The following GPRC5B variants were observed in gnomAD, a reference collection of about 807,000 sequenced individuals.
GPRC5B encodes G protein-coupled receptor family C group 5 member B.
Under a neutral mutation model 30.1 loss-of-function variants are expected in GPRC5B, and 16 were observed. That is an observed-to-expected ratio of 0.53 (90% CI 0.36 to 0.81). The LOEUF (loss-of-function observed/expected upper bound fraction) is 0.81. Ranked by LOEUF, GPRC5B falls within the 30% of genes least tolerant of loss-of-function variation. GPRC5B has a pLI of 0.01. For missense variants in GPRC5B, 428 were observed against 544.7 expected (o/e 0.79, Z 2.13); for synonymous variants, 241 against 239.5 (o/e 1.01, Z -0.06).
intron 2 of GPRC5B, among the ~76,000 whole-genome samples, chr16:19,866,574 GT>G (rs757593447): frequency 6.6e-6 from 1 of 151,780 alleles, no homozygotes; most frequent in Non-Finnish European, 1.5e-5. Context: ...AGACAGGGGT[GT>G]CGCCACGTTG....
rs201858603 is a variant in GPRC5B, at chr16:19,873,875, GT to G, written c.-1-1030del. ...CTCACTACAGCCTCTGATTCCCCAG[GT>G]TCAAACGATTCTCCTGCCTCAGCCT... On this transcript the variant is annotated intron_variant, in intron 1 of 3. Transcript: ENST00000300571. 5.6e-3 allele frequency among the ~76,000 whole-genome samples: 854 copies of G among 152,196 alleles called. 10 individuals carry two copies. The highest frequency in any genetic ancestry group is 0.019 in the African/African-American group (797 of 41,532).
At chr16:19,885,538 G>T, upstream of GPRC5B, 7 of 1,104,444 alleles carry the variant, frequency 6.3e-6, no homozygotes, top group South Asian at 2.1e-5. This position sits in a 1 kb window ranked among gnomAD's most constrained non-coding sequence, Gnocchi z 5.3. Context: ...ACGTCCAGTC[G>T]GTGCACCCCT....
intron 1 of GPRC5B, among the ~76,000 whole-genome samples, chr16:19,874,378 C>T (rs927439800): frequency 1.3e-5 from 2 of 152,208 alleles, no homozygotes; most frequent in African/African-American, 4.8e-5. Context: ...GGTCACACCC[C>T]AGTCCTCTCC....
intron 1 of GPRC5B, among the ~76,000 whole-genome samples, chr16:19,881,277 G>A (rs940771770): frequency 1.3e-5 from 2 of 152,300 alleles, no homozygotes; most frequent in African/African-American, 2.4e-5. Context: ...TGAGAAGTAC[G>A]TGAAAAATAG....
rs2056574319 is a variant in GPRC5B at position 19,857,333 on chromosome 16, A to T, written c.*3167T>A. The T allele has an allele frequency of 2.6e-6, 1 of 385,664 alleles. No individual in the cohort carries two copies. Among genetic ancestry groups the T allele is most frequent in the Non-Finnish European group, 4.9e-6 (1 of 204,652 alleles). The allele number at this position is 385,664 out of a possible 1,614,324, so 23.9% of individuals were successfully genotyped here. On this transcript the variant is annotated 3_prime_UTR_variant, in exon 4 of 4. Transcript: ENST00000300571. ...AAGCCTTTATTTTTGTGTTAAGAAC[A>T]GCATTTTGAAAATAAAACCTATCTG...
chr16:19,876,380 G>A (rs1436800720), intron 1 of GPRC5B, among the ~76,000 whole-genome samples: 2 of 152,216 alleles, frequency 1.3e-5, no homozygotes, highest in Non-Finnish European at 2.9e-5. Flanking sequence ...CAGGTCAACT[G>A]TGCCAAGGTG....
chr16:19,872,348 C>T lies in GPRC5B; in HGVS notation c.498G>A (p.Ala166=), dbSNP rs1288522295. Residue 166 remains alanine, a synonymous_variant, in exon 2 of 4, where the codon GCG becomes GCA. Coordinates refer to ENST00000300571, the MANE Select transcript of GPRC5B (RefSeq NM_016235.3). This position sits in a 1 kb window ranked among gnomAD's most constrained non-coding sequence, Gnocchi z 5.0. ...GPAGWQLVGL[A]LCLMLVQVII... is the part of the protein sequence containing the mutation. Reference sequence around the variant, plus strand: ...TGACTTGCACCAGCATCAGGCACAGCGCCAGGCCCACCAGCTGCCAGCCCG... The same window carrying T: ...TGACTTGCACCAGCATCAGGCACAGTGCCAGGCCCACCAGCTGCCAGCCCG... The T allele has an allele frequency of 2.1e-5, 34 of 1,613,764 alleles. No homozygotes were observed. Among genetic ancestry groups the T allele is most frequent in the South Asian group, 5.5e-5 (5 of 91,074 alleles).
chr16:19,871,676 A>G, intron 2 of GPRC5B, 140 bp downstream of exon 2: 1 of 741,514 alleles, frequency 1.3e-6, no homozygotes, highest in South Asian at 1.7e-5. Flanking sequence ...GTTTCAGCCC[A>G]GGAGTCAACA....
intron 3 of GPRC5B, 99 bp downstream of exon 3, chr16:19,861,738 A>C: frequency 1.0e-6 from 1 of 993,890 alleles, no homozygotes; most frequent in Non-Finnish European, 1.6e-6. Flanking sequence ...TGCAGGCCAC[A>C]TGGGCAGCCT....
At chr16:19,882,251 T>C (rs1382028531) in intron 1 of GPRC5B, 2 of 152,090 alleles carry the variant, frequency 1.3e-5, no homozygotes, top group Non-Finnish European at 2.9e-5. Context: ...GTAAACAGGG[T>C]TGCAAGAACA....
chr16:19,885,397 C>T (rs904279695), upstream of GPRC5B: 2 of 1,162,634 alleles, frequency 1.7e-6, no homozygotes, highest in African/African-American at 1.6e-5. The surrounding 1 kb of genome is among the most constrained non-coding windows in gnomAD (Gnocchi z 5.3). Flanking sequence ...GCACACACAC[C>T]GCTAGGCCTC....
rs1219435122 is a variant in GPRC5B at position 19,857,718 on chromosome 16, T to C, written c.*2782A>G. The C allele has an allele frequency of 1.1e-5, 2 of 181,376 alleles. No individual in the cohort carries two copies. The highest frequency in any genetic ancestry group is 2.5e-5 in the African/African-American group (1 of 40,476). 11.2% of individuals were successfully genotyped at this position (181,376 alleles called of 1,614,324 possible). On this transcript the variant is annotated 3_prime_UTR_variant, in exon 4 of 4. Coordinates refer to ENST00000300571, the MANE Select transcript of GPRC5B (RefSeq NM_016235.3). ...AGACCACCACCCGAGTTCACCCTTGTTCAGTGGGTCCTGACGGCATCTGGG... is the reference window on the plus strand; with the variant it reads ...AGACCACCACCCGAGTTCACCCTTGCTCAGTGGGTCCTGACGGCATCTGGG...
rs142444695 is a variant in GPRC5B at position 19,872,228 on chromosome 16, G to A, written c.618C>T (p.Tyr206=). The A allele has an allele frequency of 6.8e-4, 1,103 of 1,614,142 alleles. 4 individuals are homozygous for A. The highest frequency in any genetic ancestry group is 4.9e-4 in the Middle Eastern group (3 of 6,062). Residue 206 remains tyrosine, a synonymous_variant, in exon 2 of 4, where the codon TAC becomes TAT. Transcript: ENST00000300571. The surrounding 1 kb of genome is among the most constrained non-coding windows in gnomAD (Gnocchi z 5.0). ...GGGTGACCACAAGCAGTACCATGTC[G>A]TAGATGAGGGCCATCACAAAGTCCA... ...EPMDFVMALI[Y]DMVLLVVTLG...
chr16:19,862,022 A>G, intron 2 of GPRC5B, 49 bp from the exon 3 acceptor site: 2 of 1,606,474 alleles, frequency 1.2e-6, no homozygotes, highest in Non-Finnish European at 1.7e-6. Flanking sequence ...AAAAAGACAC[A>G]ATTTTGTTTT....
chr16:19,866,629 C>A (rs906360395), intron 2 of GPRC5B, among the ~76,000 whole-genome samples: 1 of 152,158 alleles, frequency 6.6e-6, no homozygotes, highest in Non-Finnish European at 1.5e-5. Context: ...ATCTGCCCGC[C>A]TCGGCCTCCC....
intron 2 of GPRC5B, among the ~76,000 whole-genome samples, chr16:19,864,837 C>A (rs2056653952): frequency 6.6e-6 from 1 of 151,888 alleles, no homozygotes; most frequent in Non-Finnish European, 1.5e-5. Context: ...GCCAGCAAAG[C>A]AAGGGTTTCT....
At chr16:19,884,693 C>T (rs1333936830) in intron 1 of GPRC5B, 34 bp downstream of exon 1, 1 of 984,998 alleles carries the variant, frequency 1.0e-6, no homozygotes, top group Non-Finnish European at 1.2e-6. Flanking sequence ...GTCCCCACAG[C>T]GTCCTCCACT....
At chr16:19,884,563 C>T (rs1024053520) in intron 1 of GPRC5B, among the ~76,000 whole-genome samples, 164 bp downstream of exon 1, 1 of 150,076 alleles carries the variant, frequency 6.7e-6, no homozygotes, top group African/African-American at 2.5e-5. Flanking sequence ...GTTCCCCTCG[C>T]CCAGATTCCA....
At chr16:19,870,081 A>G (rs567884080) in intron 2 of GPRC5B, among the ~76,000 whole-genome samples, 58 of 152,120 alleles carry the variant, frequency 3.8e-4, no homozygotes, top group Non-Finnish European at 7.4e-5. Flanking sequence ...TCCATAAAAA[A>G]CCAAAACCAA....
Sources: gnomAD v4.1 joint callset for allele counts (sites outside exome capture counted in the v4.1 genomes callset) on GRCh38, gnomAD v4.1.1 for gene constraint, Gnocchi (gnomAD v3.1) non-coding constraint, MANE v1.5 for transcripts, NCBI Gene and HGNC (gene_info 2026-07-23, HGNC 2026-07-21) for gene names.